The following ELAVL3 variants were observed in gnomAD, a reference collection of about 807,000 sequenced individuals.
ELAVL3 encodes ELAV like RNA binding protein 3.
Under a neutral mutation model 34.2 loss-of-function variants are expected in ELAVL3, and 8 were observed. The ratio of observed to expected loss-of-function variants is 0.23; its 90% CI spans 0.14 to 0.42. The LOEUF (loss-of-function observed/expected upper bound fraction) is 0.42. Among genes scored for constraint, ELAVL3 ranks in the 10% least tolerant of loss-of-function variants. ELAVL3 has a pLI of 1.00. For synonymous variants in ELAVL3, 209 were observed against 222.1 expected, an observed-to-expected ratio of 0.94 and a Z score of 0.53; for missense variants, 273 against 518.8, an observed-to-expected ratio of 0.53 and a Z score of 4.60.
intron 1 of ELAVL3, among the ~76,000 whole-genome samples, chr19:11,476,797 G>T (rs1971271594): frequency 6.6e-6 from 1 of 152,198 alleles, no homozygotes; most frequent in South Asian, 2.1e-4. Context: ...TACTCGAGAG[G>T]CTGAGGCAGG....
At chr19:11,460,360 T>A (rs1970858061) in intron 3 of ELAVL3, among the ~76,000 whole-genome samples, 1 of 98,826 alleles carries the variant, frequency 1.0e-5, no homozygotes, top group Non-Finnish European at 2.1e-5. Flanking sequence ...CCCCACTGTC[T>A]GTCCCCCCTA....
At chr19:11,463,924 G>A (rs760576920) in intron 3 of ELAVL3, among the ~76,000 whole-genome samples, 58 of 151,214 alleles carry the variant, frequency 3.8e-4, no homozygotes, top group Non-Finnish European at 6.5e-4. Flanking sequence ...GGCCGAGATC[G>A]CGCCATTGCA....
chr19:11,461,928 C>G (rs1339090809), intron 3 of ELAVL3, among the ~76,000 whole-genome samples: 1 of 152,152 alleles, frequency 6.6e-6, no homozygotes, highest in Non-Finnish European at 1.5e-5. Flanking sequence ...GTAATCCCAG[C>G]ATTTTGCGAG....
intron 6 of ELAVL3, among the ~76,000 whole-genome samples, chr19:11,455,404 G>A (rs1457042278): frequency 6.6e-6 from 1 of 151,110 alleles, no homozygotes; most frequent in Non-Finnish European, 1.5e-5. Flanking sequence ...AGGTTCAAGC[G>A]ATTGTCCTGC....
chr19:11,476,071 C>T (rs1192364777), intron 1 of ELAVL3, among the ~76,000 whole-genome samples: 1 of 152,232 alleles, frequency 6.6e-6, no homozygotes, highest in East Asian at 1.9e-4. Flanking sequence ...GTCTGCAAGG[C>T]ACCCGCAGTG....
chr19:11,454,800 C>T lies in ELAVL3; in HGVS notation c.830G>A (p.Gly277Glu), dbSNP rs944284070. 11 of 1,612,384 alleles carry T rather than the reference C, an allele frequency of 6.8e-6. No homozygotes were observed. Among genetic ancestry groups the T allele is most frequent in the Non-Finnish European group, 8.5e-6 (10 of 1,179,620 alleles). ...GCACCAGCCGGCGCCCGCCGCGCCCCCCGACAGGCCCACGCCCGCCAGGCC... is the reference window on the plus strand; with the variant it reads ...GCACCAGCCGGCGCCCGCCGCGCCCTCCGACAGGCCCACGCCCGCCAGGCC... ...MSGLAGVGLS[G>E]GAAGAGWCIF... is the part of the protein sequence containing the mutation. The change falls in exon 7 of 7, where the codon GGG (glycine) becomes GAG (glutamate). Residue 277 changes from glycine to glutamate, a missense_variant. Physicochemically the swap from Gly to Glu is moderately conservative, Grantham distance 98. Transcript: ENST00000359227. The surrounding 1 kb of genome is among the most constrained non-coding windows in gnomAD (Gnocchi z 9.2).
At chr19:11,456,218 C>T (rs1393695290) in intron 6 of ELAVL3, among the ~76,000 whole-genome samples, 1 of 151,228 alleles carries the variant, frequency 6.6e-6, no homozygotes, top group East Asian at 2.0e-4. Context: ...CAGTTCTCTG[C>T]CTCAGCCTCC....
At chr19:11,474,238 T>C (rs1289273025) in intron 1 of ELAVL3, among the ~76,000 whole-genome samples, 1 of 151,830 alleles carries the variant, frequency 6.6e-6, no homozygotes, top group Non-Finnish European at 1.5e-5. Context: ...CTTGCTATGT[T>C]ACCAGGCTGA....
rs950823031 is a variant in ELAVL3 at position 11,451,494 on chromosome 19, CTTTTTTTTTTTTT to C, written c.*3019_*3031del. The C allele has an allele frequency of 1.5e-5, 1 of 65,532 alleles. No individual in the cohort carries two copies. The allele number at this position is 65,532 out of a possible 1,614,324, so 4.1% of individuals were successfully genotyped here. ...TTTTTTTTTTTGTCTTTTGTTTTGT[CTTTTTTTTTTTTT>C]TTTTTTTTACAGTTTTTTATCACCT... On this transcript the variant is annotated 3_prime_UTR_variant, in exon 7 of 7. Transcript: ENST00000359227.
In ELAVL3 at chr19:11,451,762, C is replaced by G. The variant is rs1263568135; in HGVS notation, c.*2764G>C. On this transcript the variant is annotated 3_prime_UTR_variant, in exon 7 of 7. Transcript: ENST00000359227. ...GTTTTGTGTTTTAGAAAAAGAAGTCCCCTCCCAGTCTTGGGGGTGGCAGGG... is the reference window on the plus strand; with the variant it reads ...GTTTTGTGTTTTAGAAAAAGAAGTCGCCTCCCAGTCTTGGGGGTGGCAGGG... The G allele has an allele frequency of 6.6e-6, 1 of 151,714 alleles. No homozygotes were observed. Among genetic ancestry groups the G allele is most frequent in the Non-Finnish European group, 1.5e-5 (1 of 67,836 alleles). 9.4% of individuals were successfully genotyped at this position (151,714 alleles called of 1,614,324 possible).
intron 1 of ELAVL3, among the ~76,000 whole-genome samples, chr19:11,472,645 G>A (rs1250970914): frequency 6.6e-6 from 1 of 151,902 alleles, no homozygotes; most frequent in South Asian, 2.1e-4. Context: ...AGGTTGCAGT[G>A]AGCCATGATG....
intron 3 of ELAVL3, among the ~76,000 whole-genome samples, chr19:11,462,294 G>GA (rs200980002): frequency 0.056 from 8,435 of 150,862 alleles, 630 homozygotes; most frequent in African/African-American, 0.17. Flanking sequence ...GGGTTCTCCA[G>GA]AAAAAAAAAT....
chr19:11,463,316 C>T (rs774282227), intron 3 of ELAVL3, among the ~76,000 whole-genome samples: 15 of 152,260 alleles, frequency 9.9e-5, no homozygotes, highest in Non-Finnish European at 2.1e-4. Flanking sequence ...TGACTGACCG[C>T]GCAACACCGT....
At chr19:11,465,278 T>TAC (rs139323842) in intron 3 of ELAVL3, among the ~76,000 whole-genome samples, 4 of 91,636 alleles carry the variant, frequency 4.4e-5, no homozygotes, top group Admixed American at 1.1e-4. Context: ...ACCACACACA[T>TAC]ACACACACAC....
At chr19:11,469,358 C>A (rs868717789) in intron 1 of ELAVL3, among the ~76,000 whole-genome samples, 3 of 152,150 alleles carry the variant, frequency 2.0e-5, no homozygotes, top group Admixed American at 6.5e-5. Flanking sequence ...TTGGCTCCCC[C>A]CAAACTCCGC....
At position 11,457,158 on chromosome 19, in the gene ELAVL3, C is replaced by T; in HGVS notation, c.714-10G>A. ...GAGCAAATTGTCCAGCCTGTGGAGGCAGAGGTGGTGGTCAGAGGTGGCTTC... is the reference window on the plus strand; with the variant it reads ...GAGCAAATTGTCCAGCCTGTGGAGGTAGAGGTGGTGGTCAGAGGTGGCTTC... On this transcript the variant is annotated splice_polypyrimidine_tract_variant and intron_variant, in intron 5 of 6. Coordinates refer to ENST00000359227, the MANE Select transcript of ELAVL3 (RefSeq NM_001420.4). The T allele has an allele frequency of 6.4e-7, 1 of 1,555,570 alleles. No individual in the cohort carries two copies. Among genetic ancestry groups the T allele is most frequent in the Non-Finnish European group, 8.6e-7 (1 of 1,156,172 alleles).
At chr19:11,455,219 C>T (rs958724985) in intron 6 of ELAVL3, among the ~76,000 whole-genome samples, 2 of 151,818 alleles carry the variant, frequency 1.3e-5, no homozygotes, top group African/African-American at 2.4e-5. Context: ...AGGCTGGTCT[C>T]GAACTCTCAG....
At chr19:11,468,576 G>A (rs1035723638) in intron 1 of ELAVL3, among the ~76,000 whole-genome samples, 2 of 151,918 alleles carry the variant, frequency 1.3e-5, no homozygotes, top group Admixed American at 6.6e-5. Context: ...CACCACGCCC[G>A]CCAAATTTTT....
At chr19:11,467,948 T>A (rs1369367138) in intron 1 of ELAVL3, among the ~76,000 whole-genome samples, 1 of 152,074 alleles carries the variant, frequency 6.6e-6, no homozygotes, top group Admixed American at 6.6e-5. Context: ...TGCCACCATG[T>A]CTGGTTAATT....
Sources: allele counts gnomAD v4.1 joint callset (sites outside exome capture counted in the v4.1 genomes callset), GRCh38; gene constraint gnomAD v4.1.1; non-coding constraint Gnocchi (gnomAD v3.1); transcripts MANE v1.5; gene names NCBI Gene and HGNC (gene_info 2026-07-23, HGNC 2026-07-21).